Variants in SI observed in about 807,000 individuals in gnomAD.
SI encodes the protein sucrase-isomaltase.
In SI, 235 loss-of-function variants were observed where a neutral mutation model predicts 253.3. The ratio of observed to expected loss-of-function variants is 0.93; its 90% CI spans 0.83 to 1.03. The LOEUF is 1.03. Among genes scored for constraint, SI ranks in the 50% least tolerant of loss-of-function variants. The pLI is 0.00. For synonymous variants in SI, 819 were observed against 712.0 expected, an observed-to-expected ratio of 1.15 and a Z score of -2.39; for missense variants, 2,442 against 2,211.1, an observed-to-expected ratio of 1.10 and a Z score of -2.09.
chr3:165,054,689 G>A (rs1390282474), intron 13 of SI, among the ~76,000 whole-genome samples: 3 of 152,050 alleles, frequency 2.0e-5, no homozygotes, highest in Admixed American at 2.0e-4. Flanking sequence ...AGCAAACTAG[G>A]ATTCTGTTTG....
intron 45 of SI, among the ~76,000 whole-genome samples, chr3:164,984,101 T>A (rs1023866449): frequency 1.3e-5 from 2 of 152,202 alleles, no homozygotes; most frequent in African/African-American, 2.4e-5. Context: ...AAAAGCTAAT[T>A]ACTGTCAATG....
intron 1 of SI, among the ~76,000 whole-genome samples, chr3:165,076,413 A>G (rs1714976619): frequency 6.6e-6 from 1 of 151,798 alleles, no homozygotes; most frequent in Non-Finnish European, 1.5e-5. Flanking sequence ...CAACAATTCT[A>G]TGAAGGAAAT....
intron 28 of SI, 106 bp downstream of exon 28, chr3:165,019,496 G>T: frequency 9.6e-7 from 1 of 1,038,144 alleles, no homozygotes; most frequent in Non-Finnish European, 1.5e-6. Flanking sequence ...TCTAGCTAAT[G>T]CCTTTGTCAT....
In SI at chr3:165,036,497, G is replaced by A. The variant is rs756564841; in HGVS notation, c.2427-20C>T. 1 of 1,527,254 alleles carries A rather than the reference G, an allele frequency of 6.5e-7. No homozygotes were observed. The highest frequency in any genetic ancestry group is 1.1e-5 in the South Asian group (1 of 89,280). The allele number at this position is 1,527,254 out of a possible 1,614,324, so 94.6% of individuals were successfully genotyped here. A position where few individuals can be genotyped will look rare whatever the true frequency, so the allele number is the denominator to read the frequency against. ...TTACGGCTGTTAAGAAAAATTAGGT[G>A]CATATATGGTTAAAAATAAATCCAT... On this transcript the variant is annotated intron_variant, in intron 21 of 47. Transcript: ENST00000264382.
chr3:165,012,933 A>G lies in SI; in HGVS notation c.4062+47T>C, dbSNP rs188321410. 156 of 1,153,094 alleles carry G rather than the reference A, an allele frequency of 1.4e-4. 2 individuals are homozygous for G. In the East Asian group the frequency reaches 3.3e-3, roughly 24 times the overall value. The allele number at this position is 1,153,094 out of a possible 1,614,324, so 71.4% of individuals were successfully genotyped here. A position where few individuals can be genotyped will look rare whatever the true frequency, so the allele number is the denominator to read the frequency against. ...TTATTGATTAAAATAATCAAGTCTAAGTTTTGAATTTCTTCTCATTGTATA... is the reference window on the plus strand; with the variant it reads ...TTATTGATTAAAATAATCAAGTCTAGGTTTTGAATTTCTTCTCATTGTATA... On this transcript the variant is annotated intron_variant, in intron 34 of 47. Coordinates refer to ENST00000264382, the MANE Select transcript of SI (RefSeq NM_001041.4).
chr3:165,020,500 A>G (rs1052520227), intron 27 of SI, among the ~76,000 whole-genome samples: 3 of 151,648 alleles, frequency 2.0e-5, no homozygotes, highest in Admixed American at 6.6e-5. Context: ...ATGCCCTTGC[A>G]CCAGGATATT....
At chr3:165,043,019 TG>T in intron 17 of SI, 39 bp downstream of exon 17, 1 of 1,168,066 alleles carries the variant, frequency 8.6e-7, no homozygotes, top group Non-Finnish European at 1.3e-6. Flanking sequence ...AAACTATGGT[TG>T]TTTTTTATTT....
intron 37 of SI, among the ~76,000 whole-genome samples, chr3:165,006,530 T>C (rs981467031): frequency 3.9e-5 from 6 of 152,152 alleles, no homozygotes; most frequent in African/African-American, 1.4e-4. Flanking sequence ...ATTGAGCACC[T>C]ACAATTGGCC....
Position 165,062,357 on chromosome 3 carries a change from G to T in SI, c.1020+14C>A, listed in dbSNP as rs528703660. 4 of 1,285,880 alleles carry T rather than the reference G, an allele frequency of 3.1e-6. No individual in the cohort carries two copies. The highest frequency in any genetic ancestry group is 4.5e-6 in the Non-Finnish European group (4 of 881,758). The allele number at this position is 1,285,880 out of a possible 1,614,324, so 79.7% of individuals were successfully genotyped here. ...TATGCAGAAAAAATTTTATAAAATA[G>T]ACCTGAAACACACCTGTTGATACTG... On this transcript the variant is annotated intron_variant, in intron 9 of 47. Coordinates refer to ENST00000264382, the MANE Select transcript of SI (RefSeq NM_001041.4).
At chr3:165,037,672 G>A (rs1045050024) in intron 21 of SI, among the ~76,000 whole-genome samples, 1 of 151,404 alleles carries the variant, frequency 6.6e-6, no homozygotes, top group Non-Finnish European at 1.5e-5. Context: ...TTTTGATACA[G>A]GAAGTTAACT....
intron 41 of SI, 145 bp downstream of exon 41, chr3:164,994,112 T>A (rs1487103171): frequency 1.5e-6 from 1 of 678,296 alleles, no homozygotes; most frequent in Admixed American, 2.6e-5. Context: ...TTTGTGTAAA[T>A]GCTTTATTAA....
chr3:165,023,284 G>A (rs993419675), intron 26 of SI, among the ~76,000 whole-genome samples: 7 of 151,394 alleles, frequency 4.6e-5, no homozygotes, highest in African/African-American at 1.7e-4. Flanking sequence ...TTATTTTAAT[G>A]ACACTATCAG....
At chr3:165,068,132 A>G (rs1188070885) in intron 5 of SI, among the ~76,000 whole-genome samples, 1 of 152,026 alleles carries the variant, frequency 6.6e-6, no homozygotes, top group African/African-American at 2.4e-5. Flanking sequence ...TGTTGCATGT[A>G]TACGACACTA....
chr3:164,982,562 G>A (rs903706969), intron 46 of SI, 152 bp from the exon 47 acceptor site: 4 of 653,140 alleles, frequency 6.1e-6, no homozygotes, highest in Non-Finnish European at 1.0e-5. Context: ...TAATAAACAT[G>A]AATAAAACTT....
At chr3:164,983,306 C>G (rs1245630947) in intron 45 of SI, among the ~76,000 whole-genome samples, 1 of 152,026 alleles carries the variant, frequency 6.6e-6, no homozygotes, top group Non-Finnish European at 1.5e-5. Flanking sequence ...AATGATAAAA[C>G]AGTAACAGGT....
At chr3:165,034,257 A>G (rs1202693345) in intron 22 of SI, among the ~76,000 whole-genome samples, 1 of 151,950 alleles carries the variant, frequency 6.6e-6, no homozygotes, top group Non-Finnish European at 1.5e-5. Flanking sequence ...ACATAGCTAC[A>G]TAGGTATCAT....
Position 165,007,941 on chromosome 3 carries a change from C to T in SI, c.4237G>A (p.Asp1413Asn), listed in dbSNP as rs762842209. Residue 1413 changes from aspartate to asparagine, a missense_variant, in exon 36 of 48, where the codon GAC becomes AAC. Coordinates refer to ENST00000264382, the MANE Select transcript of SI (RefSeq NM_001041.4). Reference protein sequence around the residue: ...NGTTTNQCRNDELNYPPYFPE... With the variant: ...NGTTTNQCRNNELNYPPYFPE... ...AAATAAGGTGGATAATTTAGTTCGT[C>T]ATTTCTGCATTGATTAGTAGTTGTT... 1.9e-6 allele frequency: 3 copies of T among 1,600,762 alleles called. No homozygotes were observed. Among genetic ancestry groups the T allele is most frequent in the Non-Finnish European group, 2.6e-6 (3 of 1,169,376 alleles).
At chr3:165,001,818 AT>A (rs944143957) in intron 37 of SI, among the ~76,000 whole-genome samples, 2 of 151,652 alleles carry the variant, frequency 1.3e-5, no homozygotes, top group South Asian at 2.1e-4. Context: ...ATTAAAAAAA[AT>A]ATACAAGAGA....
chr3:165,039,172 T>G, intron 19 of SI, 38 bp from the exon 20 acceptor site: 7 of 1,372,298 alleles, frequency 5.1e-6, no homozygotes, highest in Non-Finnish European at 6.2e-6. Context: ...AATTTCAATT[T>G]TTAACAAGGA....
Sources: gnomAD v4.1 joint callset for allele counts (sites outside exome capture counted in the v4.1 genomes callset) on GRCh38, gnomAD v4.1.1 for gene constraint, MANE v1.5 for transcripts, NCBI Gene and HGNC (gene_info 2026-07-23, HGNC 2026-07-21) for gene names.